MEGF6: variants seen among roughly 807,000 people sequenced by gnomAD.
MEGF6 encodes the protein multiple EGF like domains 6.
In MEGF6, 184 loss-of-function variants were observed where a neutral mutation model predicts 207.1. That is an observed-to-expected ratio of 0.89 (90% confidence interval 0.79 to 1.00). The LOEUF is 1.00. Ranked by LOEUF, MEGF6 falls within the 50% of genes least tolerant of loss-of-function variation. The pLI is 0.00. For synonymous variants in MEGF6, 1,038 were observed against 910.0 expected (o/e 1.14, Z -2.53); for missense variants, 2,282 against 2,202.9 (o/e 1.04, Z -0.72).
rs973785126 is a variant in MEGF6 at position 3,573,344 on chromosome 1, C to G, written c.481+6481G>C. On this transcript the variant is annotated intron_variant, in intron 4 of 36. Transcript: ENST00000356575. This position sits in a 1 kb window ranked among gnomAD's most constrained non-coding sequence, Gnocchi z 5.1. The stretch of plus-strand genomic sequence containing the variant: ...CACACCAGACACAAAAAGCCTCCCC[C>G]AGGGTGGCCTCCTGGCTGAGCCAGC... Among the ~76,000 whole-genome samples the G allele has an allele frequency of 6.6e-5, 10 of 152,348 alleles. No homozygotes were observed. Among genetic ancestry groups the G allele is most frequent in the Middle Eastern group, 3.4e-3 (1 of 294 alleles).
intron 4 of MEGF6, among the ~76,000 whole-genome samples, chr1:3,562,678 C>T (rs930183071): frequency 6.6e-6 from 1 of 152,244 alleles, no homozygotes; most frequent in African/African-American, 2.4e-5. Flanking sequence ...TGGGAACCCC[C>T]CAGGTCGGAG....
rs112021723 is a variant in MEGF6 at position 3,556,664 on chromosome 1, T to G, written c.481+23161A>C. The stretch of plus-strand genomic sequence containing the variant: ...GAATAGGACTGACCACCAAGCAGAC[T>G]GCAGGCAGCTTAAGAGCTCCATTGT... On this transcript the variant is annotated intron_variant, in intron 4 of 36. Transcript: ENST00000356575. The surrounding 1 kb of genome is among the most constrained non-coding windows in gnomAD (Gnocchi z 4.4). 7.9e-5 allele frequency among the ~76,000 whole-genome samples: 12 copies of G among 152,232 alleles called. No individual in the cohort carries two copies. The highest frequency in any genetic ancestry group is 2.9e-4 in the African/African-American group (12 of 41,536).
rs1640513164 is a variant in MEGF6, at chr1:3,494,449, G to T, written c.4051C>A (p.His1351Asn). The T allele has an allele frequency of 6.4e-7, 1 of 1,573,466 alleles. No individual in the cohort carries two copies. Among genetic ancestry groups the T allele is most frequent in the East Asian group, 2.3e-5 (1 of 42,600 alleles). ...GAACHLECSCHNNSTCEPATG... is the reference protein window; with the variant it reads ...GAACHLECSCNNNSTCEPATG... ...GCAGGCTCACACGTGCTGTTGTTGT[G>T]GCAGGAGCACTCCAGATGGCAGGCG... Residue 1351 changes from histidine (H) to asparagine (N), a missense_variant, in exon 32 of 37, where the codon CAC becomes AAC. Transcript: ENST00000356575.
In MEGF6 at chr1:3,498,400, G is replaced by T. The variant is rs906298729; in HGVS notation, c.3323C>A (p.Ala1108Asp). 3 of 1,600,254 alleles carry T rather than the reference G, an allele frequency of 1.9e-6. No individual in the cohort carries two copies. The African/African-American group carries it at 4.0e-5, about 21-fold the overall frequency. The change falls in exon 26 of 37, where the codon GCC becomes GAC. Residue 1108 changes from alanine to aspartate, a missense_variant. Coordinates refer to ENST00000356575, the MANE Select transcript of MEGF6 (RefSeq NM_001409.4). Reference sequence around the variant, plus strand: ...CTGACACTTGTCCCCAGTCCAGCCGGCTGGGCAGAGGCAGCGGCCCGTGTG... The same window carrying T: ...CTGACACTTGTCCCCAGTCCAGCCGTCTGGGCAGAGGCAGCGGCCCGTGTG... ...DPHTGRCLCPAGWTGDKCQSP... is the reference protein window; with the variant it reads ...DPHTGRCLCPDGWTGDKCQSP...
At chr1:3,518,955 A>T (rs114006401) in intron 5 of MEGF6, among the ~76,000 whole-genome samples, 4,485 of 152,174 alleles carry the variant, frequency 0.029, 213 homozygotes, top group African/African-American at 0.1. Context: ...CTACTGACTC[A>T]CAGCCTGTGA....
intron 2 of MEGF6, among the ~76,000 whole-genome samples, chr1:3,601,551 G>T (rs373502179): frequency 5.3e-5 from 8 of 152,168 alleles, no homozygotes; most frequent in Non-Finnish European, 1.2e-4. Flanking sequence ...TGTTCGGGGG[G>T]TCGTCCTGTG....
At chr1:3,509,754 G>T in intron 11 of MEGF6, 116 bp downstream of exon 11, 1 of 1,384,046 alleles carries the variant, frequency 7.2e-7, no homozygotes, top group Non-Finnish European at 9.5e-7. Context: ...GAGGCCAGGG[G>T]GCAAAGGACC....
At chr1:3,605,790 C>T (rs545793704) in intron 1 of MEGF6, among the ~76,000 whole-genome samples, 4 of 152,214 alleles carry the variant, frequency 2.6e-5, no homozygotes, top group Non-Finnish European at 5.9e-5. Flanking sequence ...TGGGTTTAGT[C>T]AATGGGAGGA....
rs1431432107 is a variant in MEGF6 at position 3,556,320 on chromosome 1, C to T, written c.481+23505G>A. Among the ~76,000 whole-genome samples, 1 of 152,232 alleles carries T rather than the reference C, an allele frequency of 6.6e-6. No individual in the cohort carries two copies. Among genetic ancestry groups the T allele is most frequent in the East Asian group, 1.9e-4 (1 of 5,198 alleles). On this transcript the variant is annotated intron_variant, in intron 4 of 36. Coordinates refer to ENST00000356575, the MANE Select transcript of MEGF6 (RefSeq NM_001409.4). This position sits in a 1 kb window ranked among gnomAD's most constrained non-coding sequence, Gnocchi z 4.4. Reference sequence around the variant, plus strand: ...AAACTCCATGATCTTGGCACAAAGACACCCCCATGAGCTCCCAGAGGTGAC... The same window carrying T: ...AAACTCCATGATCTTGGCACAAAGATACCCCCATGAGCTCCCAGAGGTGAC...
chr1:3,593,435 G>A (rs1046313589), intron 3 of MEGF6, among the ~76,000 whole-genome samples: 5 of 50,000 alleles, frequency 1.0e-4, no homozygotes, highest in Non-Finnish European at 2.3e-4. Context: ...CTCCACCCCC[G>A]CCCCACCCAG....
intron 4 of MEGF6, among the ~76,000 whole-genome samples, chr1:3,557,555 C>T (rs1003496511): frequency 1.3e-5 from 2 of 152,222 alleles, no homozygotes; most frequent in African/African-American, 2.4e-5. Flanking sequence ...TGCCAGCCTG[C>T]GGTAGCCAGA....
Position 3,493,092 on chromosome 1 carries a change from G to A in MEGF6, c.4388-325C>T, listed in dbSNP as rs1640439701. 22 of 380,806 alleles carry A rather than the reference G, an allele frequency of 5.8e-5. No homozygotes were observed. In the Admixed American group the frequency reaches 8.4e-4, roughly 15 times the overall value. 23.6% of individuals were successfully genotyped at this position (380,806 alleles called of 1,614,324 possible). On this transcript the variant is annotated intron_variant, in intron 34 of 36. Coordinates refer to ENST00000356575, the MANE Select transcript of MEGF6 (RefSeq NM_001409.4). ...CAGTGTTCAGGGATGCCCCCTCAGG[G>A]CACAACAGGCCTGAGAGCCACAAGG... is the stretch of plus-strand genomic sequence containing the variant.
intron 4 of MEGF6, among the ~76,000 whole-genome samples, chr1:3,538,049 C>T (rs528444625): frequency 6.6e-6 from 1 of 152,326 alleles, no homozygotes; most frequent in South Asian, 2.1e-4. Flanking sequence ...AGGCCACTCT[C>T]AAGCTTCTCT....
intron 4 of MEGF6, among the ~76,000 whole-genome samples, chr1:3,548,688 G>C (rs1459572753): frequency 1.3e-5 from 2 of 152,184 alleles, no homozygotes; most frequent in Non-Finnish European, 2.9e-5. Flanking sequence ...AGGCAGGTGG[G>C]GCTGGACGCC....
intron 20 of MEGF6, 100 bp downstream of exon 20, chr1:3,500,866 C>T: frequency 6.3e-7 from 1 of 1,595,770 alleles, no homozygotes; most frequent in South Asian, 1.1e-5. Context: ...GGCAAGGCCT[C>T]CTGCAAGCCC....
chr1:3,545,904 CT>C (rs1642687522), intron 4 of MEGF6, among the ~76,000 whole-genome samples: 1 of 152,246 alleles, frequency 6.6e-6, no homozygotes, highest in Non-Finnish European at 1.5e-5. Flanking sequence ...GCAGATGCCC[CT>C]CCCACCTCCC....
chr1:3,491,134 G>T (rs902108810), intron 35 of MEGF6, among the ~76,000 whole-genome samples, 175 bp from the exon 36 acceptor site: 25 of 152,046 alleles, frequency 1.6e-4, no homozygotes, highest in Admixed American at 4.6e-4. Context: ...GAGCTGGGGG[G>T]GGGGGCTCTC....
chr1:3,519,201 G>A (rs926413187), intron 5 of MEGF6, among the ~76,000 whole-genome samples: 3 of 152,212 alleles, frequency 2.0e-5, no homozygotes, highest in African/African-American at 4.8e-5. Flanking sequence ...CCCAGCGCCC[G>A]CCTTTCTGGG....
intron 4 of MEGF6, among the ~76,000 whole-genome samples, chr1:3,543,303 A>G (rs61762173): frequency 0.15 from 22,304 of 152,248 alleles, 1,777 homozygotes; most frequent in East Asian, 0.24. Flanking sequence ...AGGGGTCCCC[A>G]GGCCCTGCGG....
Sources: gnomAD v4.1 joint callset for allele counts (sites outside exome capture counted in the v4.1 genomes callset) on GRCh38, gnomAD v4.1.1 for gene constraint, Gnocchi (gnomAD v3.1) non-coding constraint, MANE v1.5 for transcripts, NCBI Gene and HGNC (gene_info 2026-07-23, HGNC 2026-07-21) for gene names.